Variants in POC1A observed in about 807,000 individuals in gnomAD.
The protein encoded by POC1A is POC1 centriolar protein A, also known as POC1 centriolar protein homolog A.
A neutral mutation model predicts 47.8 loss-of-function variants in POC1A; 34 were observed. The ratio of observed to expected loss-of-function variants is 0.71; its 90% confidence interval spans 0.54 to 0.95. The LOEUF (loss-of-function observed/expected upper bound fraction) is 0.95, where lower values mean the gene tolerates loss of function less well. POC1A is among the 40% of genes least tolerant of loss of function. POC1A has a pLI of 0.00. For missense variants in POC1A, 466 were observed against 528.3 expected, an observed-to-expected ratio of 0.88 and a Z score of 1.16; for synonymous variants, 177 against 207.6, an observed-to-expected ratio of 0.85 and a Z score of 1.27.
At chr3:52,096,765 C>A in intron 9 of POC1A, 53 bp from the exon 10 acceptor site, 1 of 1,456,426 alleles carries the variant, frequency 6.9e-7, no homozygotes, top group East Asian at 2.5e-5. Context: ...TGAAGAAATA[C>A]TGTGAGAGGA....
At chr3:52,121,496 T>C (rs1451927014) in intron 9 of POC1A, among the ~76,000 whole-genome samples, 1 of 152,058 alleles carries the variant, frequency 6.6e-6, no homozygotes, top group East Asian at 1.9e-4. Context: ...CGGGGGCATG[T>C]GTGTGTGTTG....
intron 6 of POC1A, among the ~76,000 whole-genome samples, chr3:52,138,730 C>A (rs1031370530): frequency 6.6e-6 from 1 of 152,192 alleles, no homozygotes; most frequent in East Asian, 1.9e-4. Context: ...AATGCCACTG[C>A]CACACAGGAA....
intron 6 of POC1A, among the ~76,000 whole-genome samples, chr3:52,143,606 G>C (rs1042446620): frequency 6.6e-6 from 1 of 152,062 alleles, no homozygotes; most frequent in Non-Finnish European, 1.5e-5. Context: ...AGATCCCTGG[G>C]TCCAGCTGGC....
At chr3:52,087,105 C>T (rs1030511349) in intron 10 of POC1A, among the ~76,000 whole-genome samples, 1 of 152,082 alleles carries the variant, frequency 6.6e-6, no homozygotes, top group Non-Finnish European at 1.5e-5. Flanking sequence ...GAGAGTGGGG[C>T]GGGCAGTAGG....
At chr3:52,088,007 C>T (rs906225996) in intron 10 of POC1A, among the ~76,000 whole-genome samples, 2 of 152,238 alleles carry the variant, frequency 1.3e-5, no homozygotes, top group African/African-American at 4.8e-5. Flanking sequence ...TGGACCTTGA[C>T]CTTGGCCGCC....
intron 7 of POC1A, 69 bp downstream of exon 7, chr3:52,138,100 T>C: frequency 6.4e-7 from 1 of 1,553,402 alleles, no homozygotes; most frequent in Non-Finnish European, 8.9e-7. Context: ...TTTCTGCATC[T>C]TGCCCACTGC....
At chr3:52,106,150 G>A (rs1305833123) in intron 9 of POC1A, among the ~76,000 whole-genome samples, 4 of 142,812 alleles carry the variant, frequency 2.8e-5, no homozygotes, top group Admixed American at 1.5e-4. Flanking sequence ...AGCCGAGATC[G>A]CGCCACTGTG....
intron 9 of POC1A, among the ~76,000 whole-genome samples, chr3:52,115,024 G>A (rs1402413224): frequency 3.3e-5 from 5 of 152,232 alleles, no homozygotes; most frequent in South Asian, 2.1e-4. Flanking sequence ...CCAAGGGCAC[G>A]GGCAGCTTGA....
chr3:52,086,698 G>C (rs1702466293), intron 10 of POC1A, among the ~76,000 whole-genome samples: 1 of 152,212 alleles, frequency 6.6e-6, no homozygotes, highest in South Asian at 2.1e-4. Flanking sequence ...ACCACCCAAG[G>C]CTCTGCCTCC....
intron 10 of POC1A, among the ~76,000 whole-genome samples, chr3:52,091,822 T>A (rs576232238): frequency 6.6e-6 from 1 of 152,126 alleles, no homozygotes; most frequent in Non-Finnish European, 1.5e-5. Flanking sequence ...TCTAGCACAC[T>A]CAGTTAACCA....
At chr3:52,151,418 AT>A (rs1432866159) in intron 1 of POC1A, among the ~76,000 whole-genome samples, 6 of 152,180 alleles carry the variant, frequency 3.9e-5, no homozygotes, top group South Asian at 4.1e-4. Flanking sequence ...AATCCAAAAA[AT>A]AAAACTATTT....
At chr3:52,128,850 T>C (rs1277869860) in intron 7 of POC1A, among the ~76,000 whole-genome samples, 3 of 152,234 alleles carry the variant, frequency 2.0e-5, no homozygotes, top group Non-Finnish European at 2.9e-5. Context: ...AATTTAAGGC[T>C]ACAAATTTGC....
chr3:52,130,973 C>T (rs1170618690), intron 7 of POC1A, among the ~76,000 whole-genome samples: 1 of 148,066 alleles, frequency 6.8e-6, no homozygotes, highest in Non-Finnish European at 1.5e-5. Context: ...ACAGCAGCGC[C>T]TGTGCAGGTC....
rs1184513660 is a variant in POC1A at position 52,079,273 on chromosome 3, C to G, written c.1126-3288G>C. ...GGCCACTGCCATTTCCACCTGCTGC[C>G]TAGTGGCCCAACTCCCAGCGGGGCC... On this transcript the variant is annotated intron_variant, in intron 10 of 10. Transcript: ENST00000296484. The surrounding 1 kb of genome is among the most constrained non-coding windows in gnomAD (Gnocchi z 4.6). Among the ~76,000 whole-genome samples, 3 of 152,246 alleles carry G rather than the reference C, an allele frequency of 2.0e-5. No homozygotes were observed. The highest frequency in any genetic ancestry group is 7.2e-5 in the African/African-American group (3 of 41,472).
Position 52,122,403 on chromosome 3 carries a change from T to C in POC1A, c.957A>G (p.Thr319=), listed in dbSNP as rs1703814091. ...EVTKVPRPPA[T]LASSMGNLPE... ...CCAGATTCCCCATGGAGCTGGCCAG[T>C]GTGGCTGGGGGCCTCGGCACTTTCG... Residue 319 remains threonine (T), a synonymous_variant, in exon 9 of 11, where the codon ACA becomes ACG. Coordinates refer to ENST00000296484, the MANE Select transcript of POC1A (RefSeq NM_015426.5). 1 of 1,610,040 alleles carries C rather than the reference T, an allele frequency of 6.2e-7. No individual in the cohort carries two copies. The highest frequency in any genetic ancestry group is 8.5e-7 in the Non-Finnish European group (1 of 1,176,246).
At chr3:52,143,404 T>A (rs1368854492) in intron 6 of POC1A, among the ~76,000 whole-genome samples, 2 of 152,046 alleles carry the variant, frequency 1.3e-5, no homozygotes, top group African/African-American at 4.8e-5. Context: ...CTGCTCTGCA[T>A]TGCTCCACCT....
At chr3:52,133,347 T>C (rs1183076646) in intron 7 of POC1A, among the ~76,000 whole-genome samples, 1 of 152,142 alleles carries the variant, frequency 6.6e-6, no homozygotes, top group Non-Finnish European at 1.5e-5. Context: ...GAAATAACTT[T>C]CTGTTCTTGA....
At chr3:52,086,011 T>C (rs754288262) in intron 10 of POC1A, among the ~76,000 whole-genome samples, 25 of 152,082 alleles carry the variant, frequency 1.6e-4, no homozygotes, top group Non-Finnish European at 2.9e-4. Flanking sequence ...GTGTGAGCCA[T>C]TGATGCACGT....
chr3:52,149,830 G>A lies in POC1A; in HGVS notation c.261C>T (p.Ile87=). 6.2e-7 allele frequency: 1 copy of A among 1,613,656 alleles called. No individual in the cohort carries two copies. Residue 87 remains isoleucine, a synonymous_variant, in exon 3 of 11, where the codon ATC becomes ATT. Coordinates refer to ENST00000296484, the MANE Select transcript of POC1A (RefSeq NM_015426.5). ...ASGSRDKTVR[I]WVPNVKGEST... ...GTACGACTCACACATTGGGTACCCA[G>A]ATGCGGACAGTCTTGTCTCGGGAGC...
Sources: allele counts gnomAD v4.1 joint callset (sites outside exome capture counted in the v4.1 genomes callset), GRCh38; gene constraint gnomAD v4.1.1; non-coding constraint Gnocchi (gnomAD v3.1); transcripts MANE v1.5; gene names NCBI Gene and HGNC (gene_info 2026-07-23, HGNC 2026-07-21).